The following IQCH variants were observed in gnomAD, a reference collection of about 807,000 sequenced individuals.
The protein encoded by IQCH is IQ motif containing H.
Under a neutral mutation model 117.0 loss-of-function variants are expected in IQCH, and 98 were observed. The observed-to-expected ratio is 0.84, with a 90% CI of 0.71 to 0.99. The LOEUF is 0.99. Among genes scored for constraint, IQCH ranks in the 50% least tolerant of loss-of-function variants. The pLI, the probability that IQCH is intolerant of heterozygous loss-of-function variation, is 0.00. For missense variants in IQCH, 1,102 were observed against 1,243.8 expected (o/e 0.89, Z 1.72); for synonymous variants, 412 against 448.2 (o/e 0.92, Z 1.02).
At position 67,417,512 on chromosome 15, in the gene IQCH, T is replaced by C. The variant is rs949038216; in HGVS notation, c.2218+461T>C. ...TTTAATAAGTGTTAGTTTCTCCTTC[T>C]GTTTTCTAGGAGAGCAAAAATGGTC... On this transcript the variant is annotated intron_variant, in intron 15 of 20. Coordinates refer to ENST00000335894, the MANE Select transcript of IQCH (RefSeq NM_001031715.3). This position sits in a 1 kb window ranked among gnomAD's most constrained non-coding sequence, Gnocchi z 4.3. 1.3e-5 allele frequency among the ~76,000 whole-genome samples: 2 copies of C among 152,230 alleles called. No individual in the cohort carries two copies. The highest frequency in any genetic ancestry group is 1.9e-4 in the East Asian group (1 of 5,192).
chr15:67,396,952 C>CGCA (rs1971490325), intron 13 of IQCH, among the ~76,000 whole-genome samples: 1 of 152,160 alleles, frequency 6.6e-6, no homozygotes, highest in Admixed American at 6.5e-5. Flanking sequence ...GTATCACAAC[C>CGCA]TAGGACAGTC....
rs1970742727 is a variant in IQCH at position 67,376,533 on chromosome 15, A to G, written c.1372+3100A>G. 6.6e-6 allele frequency among the ~76,000 whole-genome samples: 1 copy of G among 152,224 alleles called. No individual in the cohort carries two copies. Among genetic ancestry groups the G allele is most frequent in the African/African-American group, 2.4e-5 (1 of 41,462 alleles). Reference sequence around the variant, plus strand: ...GGAAATTTGCTGTAGAATTAGCTCTACAAATAATTACACCATGCTGCTAGC... The same window carrying G: ...GGAAATTTGCTGTAGAATTAGCTCTGCAAATAATTACACCATGCTGCTAGC... On this transcript the variant is annotated intron_variant, in intron 10 of 20. Transcript: ENST00000335894. This position sits in a 1 kb window ranked among gnomAD's most constrained non-coding sequence, Gnocchi z 5.0.
chr15:67,340,988 G>A (rs1969145273), intron 5 of IQCH, among the ~76,000 whole-genome samples: 1 of 152,172 alleles, frequency 6.6e-6, no homozygotes, highest in African/African-American at 2.4e-5. Flanking sequence ...AAGGTAGACG[G>A]ATTGCTGGAG....
Position 67,261,271 on chromosome 15 carries a change from G to A in IQCH, c.52-1G>A. The A allele has an allele frequency of 6.6e-7, 1 of 1,524,000 alleles. No homozygotes were observed. Among genetic ancestry groups the A allele is most frequent in the Non-Finnish European group, 8.9e-7 (1 of 1,127,170 alleles). 94.4% of individuals were successfully genotyped at this position (1,524,000 alleles called of 1,614,324 possible). On this transcript the variant is annotated splice_acceptor_variant, in intron 1 of 20. Coordinates refer to ENST00000335894, the MANE Select transcript of IQCH (RefSeq NM_001031715.3). LOFTEE classifies it high-confidence loss of function. ...ATATTTTTCATTTTTTATACCTATA[G>A]ATCCATGAAGACCTTTATCAGTTAA... is the stretch of plus-strand genomic sequence containing the variant.
At chr15:67,355,604 A>T (rs1158533086) in intron 6 of IQCH, among the ~76,000 whole-genome samples, 2 of 152,154 alleles carry the variant, frequency 1.3e-5, no homozygotes, top group South Asian at 2.1e-4. Context: ...AAAAAAAAAA[A>T]TTAGTAATAA....
chr15:67,261,226 A>G (rs771727859), intron 1 of IQCH, 46 bp from the exon 2 acceptor site: 2 of 1,342,794 alleles, frequency 1.5e-6, no homozygotes, highest in Non-Finnish European at 2.0e-6. Flanking sequence ...CTATAGGTGG[A>G]CTATGTGTGG....
intron 3 of IQCH, among the ~76,000 whole-genome samples, chr15:67,274,876 T>C (rs1966057788): frequency 6.6e-6 from 1 of 152,196 alleles, no homozygotes; most frequent in Non-Finnish European, 1.5e-5. Context: ...TGGCACTAGA[T>C]GGCAACTTAA....
intron 3 of IQCH, among the ~76,000 whole-genome samples, chr15:67,271,796 A>G (rs1965908132): frequency 6.6e-6 from 1 of 151,570 alleles, no homozygotes; most frequent in Non-Finnish European, 1.5e-5. Context: ...GATTTTATTT[A>G]TTTGGGTTTT....
intron 1 of IQCH, 65 bp downstream of exon 1, chr15:67,255,012 GCGCCGATTCA>G: frequency 6.7e-7 from 1 of 1,499,088 alleles, no homozygotes. Context: ...GAGGTCCCGC[GCGCCGATTCA>G]CCGACGCTCA....
In IQCH at chr15:67,466,342, C is replaced by T. The variant is rs890421662; in HGVS notation, c.2676+1045C>T. Among the ~76,000 whole-genome samples, 2 of 152,236 alleles carry T rather than the reference C, an allele frequency of 1.3e-5. No individual in the cohort carries two copies. Among genetic ancestry groups the T allele is most frequent in the Non-Finnish European group, 2.9e-5 (2 of 68,044 alleles). On this transcript the variant is annotated intron_variant, in intron 17 of 20. Transcript: ENST00000335894. The surrounding 1 kb of genome is among the most constrained non-coding windows in gnomAD (Gnocchi z 4.4). The stretch of plus-strand genomic sequence containing the variant: ...GGACTCTCTGGCCACGGTGCTCTCA[C>T]AGCTGCCAGAGGGTTTCTTTGGCCT...
intron 10 of IQCH, among the ~76,000 whole-genome samples, chr15:67,383,946 C>G (rs1378772751): frequency 1.3e-5 from 2 of 152,084 alleles, no homozygotes; most frequent in African/African-American, 4.8e-5. Flanking sequence ...GTCTGAAGCC[C>G]CATTGCCTGA....
At chr15:67,262,380 G>C (rs1698341073) in intron 2 of IQCH, among the ~76,000 whole-genome samples, 1 of 152,094 alleles carries the variant, frequency 6.6e-6, no homozygotes, top group African/African-American at 2.4e-5. Context: ...CTCTGCTCTT[G>C]ATTCAGACTT....
At chr15:67,461,994 T>C (rs1442158286) in intron 16 of IQCH, among the ~76,000 whole-genome samples, 1 of 152,088 alleles carries the variant, frequency 6.6e-6, no homozygotes, top group African/African-American at 2.4e-5. Context: ...TTTTATTTAT[T>C]TCCCTATTTT....
intron 16 of IQCH, among the ~76,000 whole-genome samples, chr15:67,441,122 C>CAAAAAAAAAAAAAAAAAAAA (rs200254535): frequency 3.7e-5 from 2 of 53,974 alleles, no homozygotes; most frequent in Non-Finnish European, 7.3e-5. Flanking sequence ...GCAATAGCTG[C>CAAAAAAAAAAAAAAAAAAAA]AAAAAAAAAA....
chr15:67,393,732 C>T lies in IQCH; in HGVS notation c.1633-1559C>T, dbSNP rs774604963. ...GTTTTGCCACGTTGCCCAGGCTGGTCTGAAAGTCCTGGGCTCAAGTGATCT... is the reference window on the plus strand; with the variant it reads ...GTTTTGCCACGTTGCCCAGGCTGGTTTGAAAGTCCTGGGCTCAAGTGATCT... On this transcript the variant is annotated intron_variant, in intron 12 of 20. Coordinates refer to ENST00000335894, the MANE Select transcript of IQCH (RefSeq NM_001031715.3). This position sits in a 1 kb window ranked among gnomAD's most constrained non-coding sequence, Gnocchi z 5.5. Among the ~76,000 whole-genome samples the T allele has an allele frequency of 3.3e-5, 5 of 152,054 alleles. No homozygotes were observed. Among genetic ancestry groups the T allele is most frequent in the Non-Finnish European group, 5.9e-5 (4 of 68,014 alleles).
chr15:67,329,063 C>T (rs1968540717), intron 4 of IQCH, among the ~76,000 whole-genome samples: 1 of 152,126 alleles, frequency 6.6e-6, no homozygotes, highest in African/African-American at 2.4e-5. Flanking sequence ...CTTTGGAAGG[C>T]TGAGATGGGA....
At chr15:67,379,086 A>G (rs1041975753) in intron 10 of IQCH, among the ~76,000 whole-genome samples, 2 of 152,224 alleles carry the variant, frequency 1.3e-5, no homozygotes, top group Non-Finnish European at 2.9e-5. Context: ...ACAAAAAAAA[A>G]TTTAGTGAGA....
At chr15:67,332,692 G>C (rs2140643509) in intron 4 of IQCH, among the ~76,000 whole-genome samples, 1 of 152,264 alleles carries the variant, frequency 6.6e-6, no homozygotes. Context: ...TCAAGATTGG[G>C]GAGGTGAGGG....
At chr15:67,497,036 A>G (rs907338464) in intron 20 of IQCH, among the ~76,000 whole-genome samples, 17 of 151,328 alleles carry the variant, frequency 1.1e-4, no homozygotes, top group African/African-American at 4.1e-4. Context: ...AAAAAAAAAA[A>G]AAAAAAAAAA....
Sources: gnomAD v4.1 joint callset for allele counts (sites outside exome capture counted in the v4.1 genomes callset) on GRCh38, gnomAD v4.1.1 for gene constraint, Gnocchi (gnomAD v3.1) non-coding constraint, MANE v1.5 for transcripts, NCBI Gene and HGNC (gene_info 2026-07-23, HGNC 2026-07-21) for gene names.